Variants in SYT1 observed in about 807,000 individuals in gnomAD.
The protein encoded by SYT1 is synaptotagmin 1, also known as synaptotagmin-1.
Under a neutral mutation model 44.8 loss-of-function variants are expected in SYT1, and 8 were observed. The observed-to-expected ratio is 0.18, with a 90% CI of 0.10 to 0.32. The LOEUF is 0.32. SYT1 is among the 10% of genes least tolerant of loss of function. SYT1 has a pLI of 1.00. For missense variants in SYT1, 286 were observed against 509.3 expected, an observed-to-expected ratio of 0.56 and a Z score of 4.22; for synonymous variants, 154 against 188.8, an observed-to-expected ratio of 0.82 and a Z score of 1.51.
chr12:79,005,025 A>G (rs994141507), intron 2 of SYT1, among the ~76,000 whole-genome samples: 2 of 152,050 alleles, frequency 1.3e-5, no homozygotes, highest in Non-Finnish European at 2.9e-5. Context: ...AATAGATAGC[A>G]TCTTATAAAA....
At chr12:79,198,975 T>A (rs951449094) in intron 3 of SYT1, among the ~76,000 whole-genome samples, 3 of 152,188 alleles carry the variant, frequency 2.0e-5, no homozygotes, top group Non-Finnish European at 4.4e-5. Context: ...ATTTTTGGAA[T>A]GACAAACCTT....
intron 2 of SYT1, among the ~76,000 whole-genome samples, chr12:79,022,430 T>C (rs535986944): frequency 6.6e-6 from 1 of 151,938 alleles, no homozygotes; most frequent in South Asian, 2.1e-4. Flanking sequence ...ATTTTCATTA[T>C]AATACCATTT....
At chr12:78,999,095 C>G (rs1387439695) in intron 2 of SYT1, among the ~76,000 whole-genome samples, 1 of 152,142 alleles carries the variant, frequency 6.6e-6, no homozygotes, top group Non-Finnish European at 1.5e-5. Context: ...GCCCTATCAA[C>G]TAACCAATAA....
At chr12:79,263,553 T>G (rs1877954442) in intron 4 of SYT1, among the ~76,000 whole-genome samples, 1 of 152,118 alleles carries the variant, frequency 6.6e-6, no homozygotes, top group Non-Finnish European at 1.5e-5. Flanking sequence ...AAGCCACAAG[T>G]ATATTAAAAT....
At position 79,055,517 on chromosome 12, in the gene SYT1, G is replaced by A. The variant is rs549637599; in HGVS notation, c.-18+8155G>A. Among the ~76,000 whole-genome samples the A allele has an allele frequency of 1.4e-3, 211 of 152,062 alleles. 1 individual carries two copies. The highest frequency in any genetic ancestry group is 4.9e-3 in the African/African-American group (204 of 41,524). On this transcript the variant is annotated intron_variant, in intron 3 of 10. Transcript: ENST00000261205. Reference sequence around the variant, plus strand: ...ATGATTTATTTACTTGGCTACACCAGGGTTTTGCCTTGGGTTGCATTATTC... The same window carrying A: ...ATGATTTATTTACTTGGCTACACCAAGGTTTTGCCTTGGGTTGCATTATTC...
chr12:78,878,905 T>G (rs956711099), intron 1 of SYT1, among the ~76,000 whole-genome samples: 2 of 151,706 alleles, frequency 1.3e-5, no homozygotes, highest in African/African-American at 4.8e-5. Context: ...CTTATAAGAC[T>G]GTCATCTCAA....
At position 79,177,203 on chromosome 12, in the gene SYT1, G is replaced by A. The variant is rs1181521790; in HGVS notation, c.-17-40300G>A. On this transcript the variant is annotated intron_variant, in intron 3 of 10. Transcript: ENST00000261205. ...CAATGCTATCCCTCCCCCCTCCCCC[G>A]ACCCCACCACAGTCCCCAGAGTGTG... is the stretch of plus-strand genomic sequence containing the variant. Among the ~76,000 whole-genome samples, 23 of 90,808 alleles carry A rather than the reference G, an allele frequency of 2.5e-4. 1 individual carries two copies. The East Asian group carries it at 7.0e-3, about 27-fold the overall frequency. The allele number at this position is 90,808 out of a possible 152,430, so 59.6% of individuals were successfully genotyped here.
At chr12:79,284,527 T>C (rs1394587645) in intron 4 of SYT1, among the ~76,000 whole-genome samples, 1 of 152,028 alleles carries the variant, frequency 6.6e-6, no homozygotes, top group East Asian at 1.9e-4. Context: ...CCACCATGCC[T>C]TGACTATAAA....
intron 2 of SYT1, among the ~76,000 whole-genome samples, chr12:79,013,001 A>C (rs893593281): frequency 1.3e-5 from 2 of 151,930 alleles, no homozygotes; most frequent in African/African-American, 4.8e-5. Context: ...TTCTACCTGG[A>C]GGTCTGTGCC....
intron 1 of SYT1, among the ~76,000 whole-genome samples, chr12:78,939,011 C>T (rs1240953867): frequency 6.6e-6 from 1 of 152,182 alleles, no homozygotes; most frequent in Admixed American, 6.5e-5. Context: ...TTCAGGGAAG[C>T]ATCTGTCATG....
At chr12:79,007,671 C>T (rs915569094) in intron 2 of SYT1, among the ~76,000 whole-genome samples, 1 of 152,084 alleles carries the variant, frequency 6.6e-6, no homozygotes, top group Admixed American at 6.6e-5. Flanking sequence ...TACTTATACC[C>T]TTTTTTGTTC....
At chr12:78,937,187 C>T (rs1386695629) in intron 1 of SYT1, among the ~76,000 whole-genome samples, 1 of 152,110 alleles carries the variant, frequency 6.6e-6, no homozygotes, top group Non-Finnish European at 1.5e-5. Context: ...AATGTTTAGT[C>T]CACCTTGGCC....
chr12:79,301,458 G>A (rs1943269837), intron 8 of SYT1, among the ~76,000 whole-genome samples: 1 of 152,098 alleles, frequency 6.6e-6, no homozygotes, highest in South Asian at 2.1e-4. Flanking sequence ...TAGAATCTAG[G>A]GGTTTAGGTA....
At chr12:79,038,786 C>A (rs1429689275) in intron 2 of SYT1, among the ~76,000 whole-genome samples, 2 of 151,920 alleles carry the variant, frequency 1.3e-5, no homozygotes, top group Non-Finnish European at 2.9e-5. Context: ...AGCCATGGAA[C>A]AAGGATTCAC....
chr12:78,994,095 G>A (rs1482608791), intron 2 of SYT1, among the ~76,000 whole-genome samples: 2 of 152,150 alleles, frequency 1.3e-5, no homozygotes, highest in Non-Finnish European at 2.9e-5. Flanking sequence ...ACTTCGTACT[G>A]CTTTTTATCG....
At chr12:78,934,045 A>T (rs1220242449) in intron 1 of SYT1, among the ~76,000 whole-genome samples, 1 of 152,050 alleles carries the variant, frequency 6.6e-6, no homozygotes, top group Non-Finnish European at 1.5e-5. Context: ...AAGACCCCCA[A>T]TGGATGCCTG....
chr12:79,315,767 G>C (rs1881053851), intron 8 of SYT1, among the ~76,000 whole-genome samples: 1 of 152,060 alleles, frequency 6.6e-6, no homozygotes, highest in Non-Finnish European at 1.5e-5. Flanking sequence ...TAGAGATGAG[G>C]AACCCAGGCC....
chr12:79,197,085 GATTA>G (rs1873506710), intron 3 of SYT1, among the ~76,000 whole-genome samples: 1 of 152,194 alleles, frequency 6.6e-6, no homozygotes, highest in Non-Finnish European at 1.5e-5. Context: ...AACTCAAAGT[GATTA>G]ATTAATTTAG....
intron 9 of SYT1, among the ~76,000 whole-genome samples, chr12:79,386,176 C>A (rs1884426564): frequency 6.6e-6 from 1 of 152,254 alleles, no homozygotes; most frequent in South Asian, 2.1e-4. Context: ...GGTACCACAT[C>A]CTTCTCCAGA....
Sources: gnomAD v4.1 joint callset for allele counts (sites outside exome capture counted in the v4.1 genomes callset) on GRCh38, gnomAD v4.1.1 for gene constraint, MANE v1.5 for transcripts, NCBI Gene and HGNC (gene_info 2026-07-23, HGNC 2026-07-21) for gene names.